Variants in ANKS1B observed in about 807,000 individuals in gnomAD.
ANKS1B encodes ankyrin repeat and sterile alpha motif domain-containing protein 1B.
ANKS1B carries 36 observed loss-of-function variants against 148.3 expected under a neutral mutation model. That is an observed-to-expected ratio of 0.24 (90% confidence interval 0.19 to 0.32). The LOEUF (loss-of-function observed/expected upper bound fraction) is 0.32. Among genes scored for constraint, ANKS1B ranks in the 10% least tolerant of loss-of-function variants. ANKS1B has a pLI of 1.00. For missense variants in ANKS1B, 1,157 were observed against 1,542.6 expected (o/e 0.75, Z 4.19); for synonymous variants, 542 against 560.8 (o/e 0.97, Z 0.47).
chr12:98,882,640 T>C (rs1028823938), intron 17 of ANKS1B, among the ~76,000 whole-genome samples: 4 of 152,144 alleles, frequency 2.6e-5, no homozygotes, highest in African/African-American at 7.2e-5. Flanking sequence ...TGGCATGCTT[T>C]AATATATTGG....
At chr12:99,982,359 G>T (rs1324521035) in intron 1 of ANKS1B, among the ~76,000 whole-genome samples, 2 of 151,244 alleles carry the variant, frequency 1.3e-5, no homozygotes, top group Non-Finnish European at 2.9e-5. Flanking sequence ...AATCACAGCT[G>T]GGAAAGGAGT....
chr12:99,086,019 T>TA (rs2051638029), intron 15 of ANKS1B, among the ~76,000 whole-genome samples: 1 of 152,102 alleles, frequency 6.6e-6, no homozygotes, highest in African/African-American at 2.4e-5. Flanking sequence ...AAATAAAAGT[T>TA]AAAAAAATTA....
At chr12:99,566,851 G>T (rs2097399966) in intron 9 of ANKS1B, among the ~76,000 whole-genome samples, 1 of 152,132 alleles carries the variant, frequency 6.6e-6, no homozygotes. Context: ...AACAGAAAAT[G>T]GACTAAGACA....
At position 99,984,426 on chromosome 12, in the gene ANKS1B, T is replaced by G; in HGVS notation, c.-189A>C. On this transcript the variant is annotated 5_prime_UTR_variant, in exon 1 of 27. Coordinates refer to ENST00000683438, the MANE Select transcript of ANKS1B (RefSeq NM_001352186.2). ...CTCCTCCTCTTCGGGGCGCAGCTTT[T>G]ACAATGGGGATCAGACCATGTCTTG... 3.8e-6 allele frequency: 2 copies of G among 530,666 alleles called. No individual in the cohort carries two copies. Among genetic ancestry groups the G allele is most frequent in the Non-Finnish European group, 3.3e-6 (1 of 302,992 alleles). The allele number at this position is 530,666 out of a possible 1,614,324, so 32.9% of individuals were successfully genotyped here.
At chr12:99,827,793 T>C (rs1469399871) in intron 1 of ANKS1B, among the ~76,000 whole-genome samples, 2 of 152,192 alleles carry the variant, frequency 1.3e-5, no homozygotes, top group Non-Finnish European at 2.9e-5. Context: ...ACACTGCTAA[T>C]AGGCATGCAA....
At chr12:99,458,665 G>C (rs1455515272) in intron 10 of ANKS1B, among the ~76,000 whole-genome samples, 1 of 151,732 alleles carries the variant, frequency 6.6e-6, no homozygotes, top group East Asian at 1.9e-4. Context: ...ACCTAGAGGA[G>C]ATGGATAAAT....
chr12:99,422,581 G>T (rs552629112), intron 11 of ANKS1B, among the ~76,000 whole-genome samples: 16 of 152,274 alleles, frequency 1.1e-4, no homozygotes, highest in African/African-American at 3.9e-4. Flanking sequence ...GAAGGAACAT[G>T]AAATGCCGTA....
chr12:98,777,539 G>A (rs1048805824), intron 24 of ANKS1B, among the ~76,000 whole-genome samples: 1 of 152,186 alleles, frequency 6.6e-6, no homozygotes, highest in Non-Finnish European at 1.5e-5. Context: ...TTACTAAACA[G>A]TTGCAGTCCC....
At chr12:98,884,441 A>G (rs964828595) in intron 17 of ANKS1B, among the ~76,000 whole-genome samples, 2 of 152,224 alleles carry the variant, frequency 1.3e-5, no homozygotes, top group Admixed American at 1.3e-4. Flanking sequence ...TATTCATCAT[A>G]TGCTTCTCTG....
At chr12:99,802,287 C>T (rs2067041328) in intron 4 of ANKS1B, among the ~76,000 whole-genome samples, 1 of 152,058 alleles carries the variant, frequency 6.6e-6, no homozygotes. Context: ...ATGAGAGAAA[C>T]TTATAAGAAA....
intron 1 of ANKS1B, among the ~76,000 whole-genome samples, chr12:99,948,235 C>A (rs1311296140): frequency 6.6e-6 from 1 of 151,706 alleles, no homozygotes; most frequent in Non-Finnish European, 1.5e-5. Context: ...AGCGAAAAGA[C>A]CTTGAAGAAG....
At chr12:99,497,275 A>T (rs749228790) in intron 10 of ANKS1B, among the ~76,000 whole-genome samples, 14 of 152,236 alleles carry the variant, frequency 9.2e-5, no homozygotes, top group Non-Finnish European at 2.1e-4. Flanking sequence ...CAAGAAAACA[A>T]GTCTGTACAT....
At chr12:99,632,504 T>C (rs1455186448) in intron 9 of ANKS1B, among the ~76,000 whole-genome samples, 1 of 151,378 alleles carries the variant, frequency 6.6e-6, no homozygotes, top group Non-Finnish European at 1.5e-5. Context: ...CATGCAATCC[T>C]AGTCGAGGAG....
At chr12:99,601,606 C>T (rs1252747830) in intron 9 of ANKS1B, among the ~76,000 whole-genome samples, 1 of 152,068 alleles carries the variant, frequency 6.6e-6, no homozygotes, top group Non-Finnish European at 1.5e-5. Context: ...TCACGGTCAA[C>T]ACTCTTATAA....
At chr12:99,882,500 T>A (rs2092577729) in intron 1 of ANKS1B, among the ~76,000 whole-genome samples, 1 of 152,134 alleles carries the variant, frequency 6.6e-6, no homozygotes, top group Non-Finnish European at 1.5e-5. Context: ...AAAATAATGT[T>A]GGAAAGTAAC....
At chr12:99,125,907 AAT>A (rs1233252589) in intron 15 of ANKS1B, among the ~76,000 whole-genome samples, 6 of 152,150 alleles carry the variant, frequency 3.9e-5, no homozygotes, top group African/African-American at 1.4e-4. Context: ...AGAAAAAAAA[AAT>A]AGACCTGATC....
At chr12:98,882,710 C>G (rs1266701098) in intron 17 of ANKS1B, among the ~76,000 whole-genome samples, 1 of 151,370 alleles carries the variant, frequency 6.6e-6, no homozygotes, top group African/African-American at 2.4e-5. Context: ...CTGTAGAGAT[C>G]TCTGCCTTGT....
At chr12:99,015,701 T>C (rs1035529465) in intron 17 of ANKS1B, among the ~76,000 whole-genome samples, 3 of 151,860 alleles carry the variant, frequency 2.0e-5, no homozygotes, top group South Asian at 2.1e-4. Flanking sequence ...ACCGTCTCTA[T>C]TAAAAATACA....
chr12:99,758,336 T>A (rs989348479), intron 8 of ANKS1B, among the ~76,000 whole-genome samples: 1 of 151,836 alleles, frequency 6.6e-6, no homozygotes, highest in African/African-American at 2.4e-5. Flanking sequence ...AATGGGAAGG[T>A]TAGCTATAAT....
Sources: gnomAD v4.1 joint callset for allele counts (sites outside exome capture counted in the v4.1 genomes callset) on GRCh38, gnomAD v4.1.1 for gene constraint, MANE v1.5 for transcripts, NCBI Gene and HGNC (gene_info 2026-07-23, HGNC 2026-07-21) for gene names.